Variants in ARFGEF1 observed in about 807,000 individuals in gnomAD.
ARFGEF1 encodes brefeldin A-inhibited guanine nucleotide-exchange protein 1.
Under a neutral mutation model 231.0 loss-of-function variants are expected in ARFGEF1, and 42 were observed. That is an observed-to-expected ratio of 0.18 (90% confidence interval 0.14 to 0.24). ARFGEF1 has a LOEUF of 0.24. ARFGEF1 is among the 10% of genes least tolerant of loss of function. ARFGEF1 has a pLI of 1.00. For synonymous variants in ARFGEF1, 710 were observed against 732.3 expected, an observed-to-expected ratio of 0.97 and a Z score of 0.49; for missense variants, 1,345 against 2,192.0, an observed-to-expected ratio of 0.61 and a Z score of 7.72.
At chr8:67,227,924 T>A in intron 25 of ARFGEF1, 39 bp downstream of exon 25, 1 of 1,458,156 alleles carries the variant, frequency 6.9e-7, no homozygotes, top group Non-Finnish European at 9.1e-7. Flanking sequence ...ACAAAAAATA[T>A]ACTACAAATG....
At chr8:67,252,282 CAAAAAAAA>C (rs57653248) in intron 18 of ARFGEF1, among the ~76,000 whole-genome samples, 1 of 21,872 alleles carries the variant, frequency 4.6e-5, no homozygotes, top group African/African-American at 1.3e-4. Flanking sequence ...AACTCCATCT[CAAAAAAAA>C]AAAAAAAAAA....
intron 1 of ARFGEF1, among the ~76,000 whole-genome samples, chr8:67,338,124 G>A (rs1587351860): frequency 6.6e-6 from 1 of 152,108 alleles, no homozygotes; most frequent in East Asian, 1.9e-4. Flanking sequence ...CCTGCCCCTA[G>A]ATGGGGTGGG....
At chr8:67,243,888 T>A (rs1001993377) in intron 19 of ARFGEF1, among the ~76,000 whole-genome samples, 1 of 151,960 alleles carries the variant, frequency 6.6e-6, no homozygotes, top group Admixed American at 6.6e-5. Context: ...CAGAATTCCA[T>A]CAGATAAATT....
chr8:67,192,124 T>C (rs1222430218), intron 5 of ARFGEF1, among the ~76,000 whole-genome samples: 1 of 151,226 alleles, frequency 6.6e-6, no homozygotes, highest in Admixed American at 6.6e-5. Flanking sequence ...CTAGGCTGGA[T>C]TGCAGTGGCG....
In ARFGEF1 at chr8:67,190,688, G is replaced by A. The variant is rs778723931; in HGVS notation, c.560+9708C>T. Reference sequence around the variant, plus strand: ...GACATATCCTGCCATTGAAGATGACGTCCTCCCTCCACCATCACAGTTGCC... The same window carrying A: ...GACATATCCTGCCATTGAAGATGACATCCTCCCTCCACCATCACAGTTGCC... On this transcript the variant is annotated intron_variant, in intron 5 of 5. Transcript: ENST00000518789. 6 of 1,614,088 alleles carry A rather than the reference G, an allele frequency of 3.7e-6. No individual in the cohort carries two copies. The highest frequency in any genetic ancestry group is 2.2e-5 in the East Asian group (1 of 44,874).
At chr8:67,236,866 T>C (rs1307526246) in intron 22 of ARFGEF1, among the ~76,000 whole-genome samples, 2 of 152,230 alleles carry the variant, frequency 1.3e-5, no homozygotes, top group Non-Finnish European at 2.9e-5. Flanking sequence ...TCTCATATCC[T>C]TGCAACCTAA....
Position 67,301,156 on chromosome 8 carries a change from A to G in ARFGEF1, c.312+68T>C, listed in dbSNP as rs188225411. On this transcript the variant is annotated intron_variant, in intron 3 of 38. Transcript: ENST00000262215. ...CTTTCATGGAAATGTCTGAATCATCAATGTGAGTAATGTTTTAGAAACACA... is the reference window on the plus strand; with the variant it reads ...CTTTCATGGAAATGTCTGAATCATCGATGTGAGTAATGTTTTAGAAACACA... 7.3e-5 allele frequency: 100 copies of G among 1,379,166 alleles called. No homozygotes were observed. In the East Asian group the frequency reaches 1.6e-3, roughly 22 times the overall value. The allele number at this position is 1,379,166 out of a possible 1,614,324, so 85.4% of individuals were successfully genotyped here. A position where few individuals can be genotyped will look rare whatever the true frequency, so the allele number is the denominator to read the frequency against.
chr8:67,339,004 A>G (rs754513203), intron 1 of ARFGEF1, among the ~76,000 whole-genome samples: 2 of 152,186 alleles, frequency 1.3e-5, no homozygotes, highest in Non-Finnish European at 2.9e-5. Context: ...TATCTTTTTT[A>G]TAACTCCACC....
At chr8:67,307,888 T>C (rs1362806081) in intron 1 of ARFGEF1, among the ~76,000 whole-genome samples, 1 of 152,160 alleles carries the variant, frequency 6.6e-6, no homozygotes, top group Non-Finnish European at 1.5e-5. Flanking sequence ...GAAGTGACAG[T>C]GAACAACAGC....
In ARFGEF1 at chr8:67,277,386, T is replaced by G. The variant is rs1487938175; in HGVS notation, c.1099A>C (p.Ser367Arg). ...NIGTIEDGSD[S>R]ENIQANGIPG... The stretch of plus-strand genomic sequence containing the variant: ...ATTCCATTTGCTTGAATATTTTCAC[T>G]GTCACTACCATCCTCTATAGTTCCA... The change falls in exon 8 of 39, where the codon AGT becomes CGT. Residue 367 changes from serine to arginine, a missense_variant. Ser to Arg is a moderately radical substitution (Grantham distance 110). Coordinates refer to ENST00000262215, the MANE Select transcript of ARFGEF1 (RefSeq NM_006421.5). 6.2e-7 allele frequency: 1 copy of G among 1,613,886 alleles called. No homozygotes were observed. The highest frequency in any genetic ancestry group is 1.7e-5 in the Admixed American group (1 of 60,016).
chr8:67,194,070 C>T (rs1837188297), downstream of ARFGEF1, among the ~76,000 whole-genome samples: 1 of 151,878 alleles, frequency 6.6e-6, no homozygotes, highest in Non-Finnish European at 1.5e-5. Flanking sequence ...TAGTCGTCTC[C>T]TCATTATGAG....
In ARFGEF1 at chr8:67,203,244, G is replaced by T. The variant is rs771740489; in HGVS notation, c.4967C>A (p.Ala1656Glu). ...ATCAACGCGAACATCAAAGTCCACCGCATCTCTCTTTGGAAAACAAACCAC... is the reference window on the plus strand; with the variant it reads ...ATCAACGCGAACATCAAAGTCCACCTCATCTCTCTTTGGAAAACAAACCAC... ...AENLAAAQRD[A>E]VDFDVRVDTQ... The change falls in exon 36 of 39, where the codon GCG becomes GAG. Residue 1656 changes from alanine to glutamate, a missense_variant. By Grantham distance (107) the Ala-to-Glu change is moderately radical (BLOSUM62 -1). Around this residue, in one of 14 missense-constraint regions of ARFGEF1, gnomAD observed 161 missense variants for 284.9 expected, o/e 0.57. Coordinates refer to ENST00000262215, the MANE Select transcript of ARFGEF1 (RefSeq NM_006421.5). 1.9e-6 allele frequency: 3 copies of T among 1,613,338 alleles called. No homozygotes were observed. Among genetic ancestry groups the T allele is most frequent in the South Asian group, 1.1e-5 (1 of 90,926 alleles).
chr8:67,268,825 C>T (rs1224286908), intron 10 of ARFGEF1, among the ~76,000 whole-genome samples: 1 of 152,082 alleles, frequency 6.6e-6, no homozygotes, highest in East Asian at 1.9e-4. Flanking sequence ...GTTGTTTGGC[C>T]CTGCCTGCTT....
intron 5 of ARFGEF1, chr8:67,179,956 T>C: frequency 7.9e-7 from 1 of 1,272,514 alleles, no homozygotes; most frequent in Non-Finnish European, 1.1e-6. Context: ...TAAGGCTATA[T>C]TGTTTAAATA....
At chr8:67,216,229 T>A (rs1042046613) in intron 33 of ARFGEF1, among the ~76,000 whole-genome samples, 3 of 152,090 alleles carry the variant, frequency 2.0e-5, no homozygotes, top group Non-Finnish European at 4.4e-5. Context: ...TAATCCCCAA[T>A]GCAACAGTAT....
chr8:67,277,553 A>G, intron 7 of ARFGEF1, 96 bp from the exon 8 acceptor site: 1 of 1,107,092 alleles, frequency 9.0e-7, no homozygotes, highest in Non-Finnish European at 1.3e-6. Flanking sequence ...AGTGGCAGGA[A>G]AGCAATGTGA....
chr8:67,201,674 T>A, intron 36 of ARFGEF1, 69 bp from the exon 37 acceptor site: 1 of 1,589,544 alleles, frequency 6.3e-7, no homozygotes, highest in Middle Eastern at 2.1e-4. Context: ...ACAGCCCGTA[T>A]GGAGGCACAT....
At chr8:67,195,705 C>CATCT (rs1837804129), downstream of ARFGEF1, 2 of 748,040 alleles carry the variant, frequency 2.7e-6, no homozygotes, top group Admixed American at 2.7e-5. Context: ...TTTTTTCCAT[C>CATCT]ATCTGTATAT....
intron 14 of ARFGEF1, among the ~76,000 whole-genome samples, chr8:67,264,043 G>A (rs1804748866): frequency 6.6e-6 from 1 of 152,080 alleles, no homozygotes; most frequent in African/African-American, 2.4e-5. Context: ...AAAAGTGGCA[G>A]GAAATGAAGC....
Sources: gnomAD v4.1 joint callset for allele counts (sites outside exome capture counted in the v4.1 genomes callset) on GRCh38, gnomAD v4.1.1 for gene constraint, gnomAD v4.1.1 regional missense constraint, MANE v1.5 for transcripts, NCBI Gene and HGNC (gene_info 2026-07-23, HGNC 2026-07-21) for gene names.